Variants in OIP5 observed in about 807,000 individuals in gnomAD.
OIP5 encodes protein Mis18-beta.
A neutral mutation model predicts 20.3 loss-of-function variants in OIP5; 24 were observed. That is an observed-to-expected ratio of 1.18 (90% confidence interval 0.86 to 1.66). OIP5 has a LOEUF of 1.66. Ranked by LOEUF, OIP5 falls within the 40% of genes most tolerant of loss-of-function variation. OIP5 has a pLI of 0.00. For missense variants in OIP5, 339 were observed against 289.5 expected (o/e 1.17, Z -1.24); for synonymous variants, 143 against 121.3 (o/e 1.18, Z -1.17).
At chr15:41,320,589 A>G (rs112191227) in intron 2 of OIP5, among the ~76,000 whole-genome samples, 1,742 of 152,170 alleles carry the variant, frequency 0.011, 40 homozygotes, top group African/African-American at 0.039. Context: ...TCAGTGCTCA[A>G]TGGTGCCCAG....
At chr15:41,319,878 G>C (rs752110647) in intron 2 of OIP5, 98 bp from the exon 3 acceptor site, 9 of 950,982 alleles carry the variant, frequency 9.5e-6, no homozygotes, top group Non-Finnish European at 1.4e-5. Flanking sequence ...CCTAAGTCAG[G>C]GTGAAAATTA....
Position 41,319,643 on chromosome 15 carries a change from T to G in OIP5, c.512+15A>C, listed in dbSNP as rs1035927167. 1.3e-6 allele frequency: 2 copies of G among 1,595,278 alleles called. No individual in the cohort carries two copies. The highest frequency in any genetic ancestry group is 1.7e-6 in the Non-Finnish European group (2 of 1,174,762). Reference sequence around the variant, plus strand: ...AATAAAATGTATTTGATGATCAATATCTAAGTCTACTCACCACACCATTTT... The same window carrying G: ...AATAAAATGTATTTGATGATCAATAGCTAAGTCTACTCACCACACCATTTT... On this transcript the variant is annotated intron_variant, in intron 3 of 4. Transcript: ENST00000220514.
Position 41,332,521 on chromosome 15 carries a change from G to A in OIP5, c.41C>T (p.Thr14Met), listed in dbSNP as rs763958091. The A allele has an allele frequency of 2.5e-6, 4 of 1,612,554 alleles. No homozygotes were observed. The highest frequency in any genetic ancestry group is 1.7e-5 in the Admixed American group (1 of 59,392). Residue 14 changes from threonine (T) to methionine (M), a missense_variant, in exon 1 of 5, where the codon ACG becomes ATG. Transcript: ENST00000220514. ...ACCACAAAAGTCCCCCCGGGGCGGC[G>A]TTGCACAACGTGAGCGATGCCGCAG... ...QPLRHRSRCA[T>M]PPRGDFCGGT...
At position 41,332,530 on chromosome 15, in the gene OIP5, C is replaced by T. The variant is rs370713618; in HGVS notation, c.32G>A (p.Arg11His). The change falls in exon 1 of 5, where the codon CGT (arginine) becomes CAT (histidine). Residue 11 changes from arginine (R) to histidine (H), a missense_variant. Physicochemically the swap from Arg to His is conservative, Grantham distance 29 (BLOSUM62 0). Transcript: ENST00000220514. MAAQPLRHRS[R>H]CATPPRGDFC... is the part of the protein sequence containing the mutation. ...GTCCCCCCGGGGCGGCGTTGCACAA[C>T]GTGAGCGATGCCGCAGCGGCTGAGC... The T allele has an allele frequency of 1.7e-4, 276 of 1,611,262 alleles. No individual in the cohort carries two copies. Among genetic ancestry groups the T allele is most frequent in the Non-Finnish European group, 2.1e-4 (252 of 1,178,860 alleles).
chr15:41,325,396 C>T (rs1050473474), intron 2 of OIP5, among the ~76,000 whole-genome samples: 14 of 151,266 alleles, frequency 9.3e-5, no homozygotes, highest in African/African-American at 3.4e-4. Context: ...ACAGAGCGAG[C>T]CTCCGTCTCA....
At chr15:41,313,881 G>A (rs1241255403) in intron 3 of OIP5, among the ~76,000 whole-genome samples, 1 of 151,900 alleles carries the variant, frequency 6.6e-6, no homozygotes, top group Non-Finnish European at 1.5e-5. Context: ...GCATTTTCTT[G>A]GAAAAACAAA....
rs115318816 is a variant in OIP5, at chr15:41,324,041, G to A, written c.390-4261C>T. On this transcript the variant is annotated intron_variant, in intron 2 of 4. Transcript: ENST00000220514. ...CTTGCTCTGTCACCCACCCAGGCTG[G>A]AGTGTGGTGGCACAATCACAGCTCC... Among the ~76,000 whole-genome samples the A allele has an allele frequency of 1.6e-3, 232 of 147,404 alleles. 2 individuals carry two copies. Among genetic ancestry groups the A allele is most frequent in the African/African-American group, 5.7e-3 (225 of 39,388 alleles).
intron 4 of OIP5, among the ~76,000 whole-genome samples, chr15:41,312,754 G>A (rs1420689584): frequency 1.0e-4 from 15 of 148,538 alleles, no homozygotes; most frequent in East Asian, 2.0e-4. Flanking sequence ...TCTGCCTCCC[G>A]AGTAGCTGGG....
intron 2 of OIP5, among the ~76,000 whole-genome samples, chr15:41,321,000 CTCTGCCCGGCTGCCCCATCT>C (rs1328807057): frequency 2.0e-5 from 3 of 149,782 alleles, no homozygotes; most frequent in Admixed American, 6.6e-5. Flanking sequence ...TGAGGAGCGT[CTCTGCCCGGCTGCCCCATCT>C]TGAGAAGTGA....
At chr15:41,317,382 T>C (rs1241704769) in intron 3 of OIP5, among the ~76,000 whole-genome samples, 5 of 136,288 alleles carry the variant, frequency 3.7e-5, no homozygotes, top group South Asian at 2.3e-4. Flanking sequence ...TCCATTTTTC[T>C]TTTTTTTTTT....
intron 2 of OIP5, among the ~76,000 whole-genome samples, chr15:41,323,495 C>G: frequency 6.6e-6 from 1 of 152,066 alleles, no homozygotes; most frequent in Non-Finnish European, 1.5e-5. Flanking sequence ...TCCTTTGAAG[C>G]TTTTTTTTCT....
At position 41,313,289 on chromosome 15, in the gene OIP5, G is replaced by T; in HGVS notation, c.578C>A (p.Ser193Ter). Residue 193 changes from serine (S) to a stop codon, truncating the protein, a stop_gained, in exon 4 of 5, where the codon TCA becomes TAA. Coordinates refer to ENST00000220514, the MANE Select transcript of OIP5 (RefSeq NM_007280.2). LOFTEE classifies it high-confidence loss of function. The part of the protein sequence containing the change: ...SEMDIQNVPL[S>*]EKIAELKEKI... ...AAATTTTACCTCTGCAATCTTTTCTGATAGAGGAACATTTTGAATATCCAT... is the reference window on the plus strand; with the variant it reads ...AAATTTTACCTCTGCAATCTTTTCTTATAGAGGAACATTTTGAATATCCAT... 6.3e-7 allele frequency: 1 copy of T among 1,599,106 alleles called. No individual in the cohort carries two copies. Among genetic ancestry groups the T allele is most frequent in the Non-Finnish European group, 8.5e-7 (1 of 1,170,140 alleles).
chr15:41,309,670 T>A lies in OIP5; in HGVS notation c.*84A>T, dbSNP rs2047741622. On this transcript the variant is annotated 3_prime_UTR_variant, in exon 5 of 5. Coordinates refer to ENST00000220514, the MANE Select transcript of OIP5 (RefSeq NM_007280.2). ...ATTTCCCCTCCATTCTTGAAGCCAA[T>A]CTTTTTCAAGAAATGACTAAGCAGC... The A allele has an allele frequency of 4.6e-6, 4 of 866,754 alleles. No homozygotes were observed. The highest frequency in any genetic ancestry group is 7.3e-6 in the Non-Finnish European group (4 of 546,362). The allele number at this position is 866,754 out of a possible 1,614,324, so 53.7% of individuals were successfully genotyped here. A position where few individuals can be genotyped will look rare whatever the true frequency, so the allele number is the denominator to read the frequency against.
At position 41,313,323 on chromosome 15, in the gene OIP5, C is replaced by T. The variant is rs202041575; in HGVS notation, c.544G>A (p.Ala182Thr). Reference protein sequence around the residue: ...YLLKTKAIVNASEMDIQNVPL... With the variant: ...YLLKTKAIVNTSEMDIQNVPL... ...ACATTTTGAATATCCATCTCTGATG[C>T]ATTTACTATGGCTTTTGTTTTTAAG... Residue 182 changes from alanine (A) to threonine (T), a missense_variant, in exon 4 of 5, where the codon GCA becomes ACA. Coordinates refer to ENST00000220514, the MANE Select transcript of OIP5 (RefSeq NM_007280.2). 6.2e-7 allele frequency: 1 copy of T among 1,603,886 alleles called. No individual in the cohort carries two copies. The highest frequency in any genetic ancestry group is 8.5e-7 in the Non-Finnish European group (1 of 1,174,546).
At position 41,311,968 on chromosome 15, in the gene OIP5, C is replaced by T. The variant is rs1327839313; in HGVS notation, c.594+1305G>A. Among the ~76,000 whole-genome samples, 66 of 142,604 alleles carry T rather than the reference C, an allele frequency of 4.6e-4. 6 individuals are homozygous for T. Among genetic ancestry groups the T allele is most frequent in the Middle Eastern group, 7.0e-3 (2 of 286 alleles). 93.6% of individuals were successfully genotyped at this position (142,604 alleles called of 152,430 possible). On this transcript the variant is annotated intron_variant, in intron 4 of 4. Transcript: ENST00000220514. ...CTCCCAGGTTCAAGCGATTCTCCTG[C>T]CTCAGCCTCCCGAAAAGCTGGGATT... is the stretch of plus-strand genomic sequence containing the variant.
chr15:41,323,311 TC>T (rs1306125402), intron 2 of OIP5, among the ~76,000 whole-genome samples: 1 of 152,098 alleles, frequency 6.6e-6, no homozygotes, highest in Non-Finnish European at 1.5e-5. Flanking sequence ...ATGGTGAAAC[TC>T]CGTCTCTACT....
At chr15:41,317,546 A>AT (rs950289000) in intron 3 of OIP5, among the ~76,000 whole-genome samples, 1 of 151,318 alleles carries the variant, frequency 6.6e-6, no homozygotes, top group Non-Finnish European at 1.5e-5. Flanking sequence ...TGCCCAGCTA[A>AT]TTTTTTTTGT....
intron 2 of OIP5, among the ~76,000 whole-genome samples, chr15:41,330,590 A>T (rs1403071954): frequency 2.0e-5 from 3 of 151,742 alleles, no homozygotes; most frequent in African/African-American, 2.4e-5. Flanking sequence ...TTTTTAGTAG[A>T]GACACGGTTT....
chr15:41,332,505 G>A lies in OIP5; in HGVS notation c.57C>T (p.Asp19=). 1 of 1,613,844 alleles carries A rather than the reference G, an allele frequency of 6.2e-7. No individual in the cohort carries two copies. The highest frequency in any genetic ancestry group is 8.5e-7 in the Non-Finnish European group (1 of 1,179,872). The part of the protein sequence containing the change: ...RSRCATPPRG[D]FCGGTERAID... ...TCGCCCTCTCAGTGCCACCACAAAA[G>A]TCCCCCCGGGGCGGCGTTGCACAAC... The change falls in exon 1 of 5, where the codon GAC becomes GAT. Residue 19 remains aspartate (D), a synonymous_variant. Coordinates refer to ENST00000220514, the MANE Select transcript of OIP5 (RefSeq NM_007280.2).
Sources: allele counts gnomAD v4.1 joint callset (sites outside exome capture counted in the v4.1 genomes callset), GRCh38; gene constraint gnomAD v4.1.1; transcripts MANE v1.5; gene names NCBI Gene and HGNC (gene_info 2026-07-23, HGNC 2026-07-21).